The following ALG12 variants were observed in gnomAD, a reference collection of about 807,000 sequenced individuals.
The protein encoded by ALG12 is dol-P-Man:Man(7)GlcNAc(2)-PP-Dol alpha-1,6-mannosyltransferase.
ALG12 carries 36 observed loss-of-function variants against 46.0 expected under a neutral mutation model. The ratio of observed to expected loss-of-function variants is 0.78; its 90% CI spans 0.60 to 1.03. ALG12 has a LOEUF of 1.03. Ranked by LOEUF, ALG12 falls within the 50% of genes least tolerant of loss-of-function variation. ALG12 has a pLI of 0.00. For missense variants in ALG12, 599 were observed against 633.5 expected, an observed-to-expected ratio of 0.95 and a Z score of 0.58; for synonymous variants, 326 against 291.6, an observed-to-expected ratio of 1.12 and a Z score of -1.20.
chr22:49,880,322 C>T, the ALG12 span, among the ~76,000 whole-genome samples: 19 of 152,204 alleles, frequency 1.2e-4, no homozygotes, highest in African/African-American at 1.7e-4. Flanking sequence ...AGGGTGGTTT[C>T]CTCAAATGCA....
rs763006922 is a variant in ALG12 at position 49,904,216 on chromosome 22, C to A, written c.1201G>T (p.Gly401Cys). 1 of 1,613,984 alleles carries A rather than the reference C, an allele frequency of 6.2e-7. No homozygotes were observed. Among genetic ancestry groups the A allele is most frequent in the South Asian group, 1.1e-5 (1 of 91,086 alleles). The change falls in exon 9 of 10, where the codon GGT (glycine) becomes TGT (cysteine). Residue 401 changes from glycine (G) to cysteine (C), a missense_variant. Coordinates refer to ENST00000330817, the MANE Select transcript of ALG12 (RefSeq NM_024105.4). ...LHIDVAAAQT[G>C]VSRFLQVNSA... ...TTGACTTGGAGAAACCGAGACACAC[C>A]TGTCTGGGCGGCTGCCACGTCAATG... is the stretch of plus-strand genomic sequence containing the variant.
At position 49,902,429 on chromosome 22, in the gene ALG12, GGTGT is replaced by G. The variant is rs1272030415; in HGVS notation, c.*1405_*1408del. The G allele has an allele frequency of 2.1e-5, 3 of 141,512 alleles. No individual in the cohort carries two copies. Among genetic ancestry groups the G allele is most frequent in the Non-Finnish European group, 4.5e-5 (3 of 66,358 alleles). 8.8% of individuals were successfully genotyped at this position (141,512 alleles called of 1,614,324 possible). On this transcript the variant is annotated 3_prime_UTR_variant, in exon 10 of 10. Coordinates refer to ENST00000330817, the MANE Select transcript of ALG12 (RefSeq NM_024105.4). ...GTGCACATGTGCACTGTGTATGCAT[GGTGT>G]GTGCACGTGTGCACTGTGTATGCAT... is the stretch of plus-strand genomic sequence containing the variant.
At position 49,913,655 on chromosome 22, in the gene ALG12, G is replaced by C; in HGVS notation, c.111C>G (p.Phe37Leu). Residue 37 changes from phenylalanine (F) to leucine (L), a missense_variant, in exon 2 of 10, where the codon TTC becomes TTG. Phe to Leu is a conservative substitution (Grantham distance 22). Coordinates refer to ENST00000330817, the MANE Select transcript of ALG12 (RefSeq NM_024105.4). ...ICPYTKVEES[F>L]NLQATHDLLY... ...GCAGGTCATGTGTGGCCTGCAGGTTGAAGCTCTCCTCCACTTTGGTGTAGG... is the reference window on the plus strand; with the variant it reads ...GCAGGTCATGTGTGGCCTGCAGGTTCAAGCTCTCCTCCACTTTGGTGTAGG... 1 of 1,614,138 alleles carries C rather than the reference G, an allele frequency of 6.2e-7. No individual in the cohort carries two copies. The highest frequency in any genetic ancestry group is 1.1e-5 in the South Asian group (1 of 91,082).
chr22:49,893,246 AT>A, the ALG12 span, among the ~76,000 whole-genome samples: 1 of 152,222 alleles, frequency 6.6e-6, no homozygotes, highest in Non-Finnish European at 1.5e-5. Context: ...GTGGAGCGCC[AT>A]TTGGATGAGA....
chr22:49,870,507 A>G, the ALG12 span, among the ~76,000 whole-genome samples: 1 of 152,012 alleles, frequency 6.6e-6, no homozygotes, highest in Non-Finnish European at 1.5e-5. Context: ...TCTTTTTTTA[A>G]TAAAAGCCAT....
the ALG12 span, chr22:49,883,583 T>G: frequency 1.4e-6 from 2 of 1,433,836 alleles, no homozygotes; most frequent in Non-Finnish European, 1.8e-6. Context: ...GTGAAGATAA[T>G]CTACATTCGG....
At chr22:49,896,879 G>A (rs2060485359), downstream of ALG12, among the ~76,000 whole-genome samples, 1 of 151,406 alleles carries the variant, frequency 6.6e-6, no homozygotes, top group African/African-American at 2.4e-5. Flanking sequence ...GACCTCAGCT[G>A]ATCCACCTAC....
chr22:49,917,186 G>T (rs548313072), intron 1 of ALG12, among the ~76,000 whole-genome samples: 2 of 152,370 alleles, frequency 1.3e-5, no homozygotes, highest in South Asian at 2.1e-4. Context: ...AGCCCACTCT[G>T]CTGGGCAGCT....
chr22:49,917,397 A>C (rs1250302500), intron 1 of ALG12, among the ~76,000 whole-genome samples: 1 of 152,226 alleles, frequency 6.6e-6, no homozygotes, highest in Non-Finnish European at 1.5e-5. Flanking sequence ...CAGGCTAAGC[A>C]TGGTGGCTCA....
At chr22:49,884,514 C>T in the ALG12 span, 1 of 1,614,012 alleles carries the variant, frequency 6.2e-7, no homozygotes, top group African/African-American at 1.3e-5. Flanking sequence ...CCTCTGGGTC[C>T]AGGAGAAGGT....
At chr22:49,878,185 A>G in the ALG12 span, among the ~76,000 whole-genome samples, 9 of 151,698 alleles carry the variant, frequency 5.9e-5, no homozygotes, top group African/African-American at 1.7e-4. Context: ...GGCACCTGTA[A>G]TTCCAGCTAC....
chr22:49,884,577 C>T, the ALG12 span: 29 of 1,612,414 alleles, frequency 1.8e-5, no homozygotes, highest in Admixed American at 4.8e-4. Context: ...CCAAAGCTGT[C>T]TGCATTCACT....
rs780477782 is a variant in ALG12 at position 49,906,417 on chromosome 22, G to T, written c.992+1304C>A. Among the ~76,000 whole-genome samples, 8 of 152,072 alleles carry T rather than the reference G, an allele frequency of 5.3e-5. No individual in the cohort carries two copies. The highest frequency in any genetic ancestry group is 1.9e-4 in the African/African-American group (8 of 41,424). On this transcript the variant is annotated intron_variant, in intron 7 of 9. Transcript: ENST00000330817. This position sits in a 1 kb window ranked among gnomAD's most constrained non-coding sequence, Gnocchi z 4.4. ...CTCCCAGGAGCCCCCACTGAGGCGCGGCTACAGCAGCCAGAGGAGCCCCCA... is the reference window on the plus strand; with the variant it reads ...CTCCCAGGAGCCCCCACTGAGGCGCTGCTACAGCAGCCAGAGGAGCCCCCA...
At chr22:49,909,872 C>T in intron 5 of ALG12, 22 bp downstream of exon 5, 1 of 1,614,014 alleles carries the variant, frequency 6.2e-7, no homozygotes, top group Non-Finnish European at 8.5e-7. Flanking sequence ...CAGTTAGAAG[C>T]ATCCCACAGT....
intron 6 of ALG12, among the ~76,000 whole-genome samples, chr22:49,909,012 G>T (rs2060560078): frequency 6.6e-6 from 1 of 151,900 alleles, no homozygotes; most frequent in Non-Finnish European, 1.5e-5. Context: ...GGTAATCTGG[G>T]GCAGGGCTGT....
the ALG12 span, among the ~76,000 whole-genome samples, chr22:49,883,120 AT>A: frequency 2.3e-4 from 35 of 151,652 alleles, 1 homozygote; most frequent in Admixed American, 1.2e-3. Context: ...GGCCACTTGC[AT>A]TTTTTTTCAT....
At chr22:49,883,582 A>T in the ALG12 span, 1 of 1,435,344 alleles carries the variant, frequency 7.0e-7, no homozygotes, top group South Asian at 1.7e-5. Flanking sequence ...AGTGAAGATA[A>T]TCTACATTCG....
At position 49,903,966 on chromosome 22, in the gene ALG12, T is replaced by C. The variant is rs996114708; in HGVS notation, c.1339A>G (p.Thr447Ala). The change falls in exon 10 of 10, where the codon ACA becomes GCA. Residue 447 changes from threonine to alanine, a missense_variant. Coordinates refer to ENST00000330817, the MANE Select transcript of ALG12 (RefSeq NM_024105.4). ...APGLLALYRD[T>A]HRVLASVVGT... The stretch of plus-strand genomic sequence containing the variant: ...ACGACGCTGGCCAGGACCCGGTGTG[T>C]GTCCCTGTAGAGGGCCAGGAGCCCA... 5.0e-6 allele frequency: 8 copies of C among 1,614,098 alleles called. No individual in the cohort carries two copies. Among genetic ancestry groups the C allele is most frequent in the Non-Finnish European group, 6.8e-6 (8 of 1,180,026 alleles).
chr22:49,891,240 C>T, the ALG12 span, among the ~76,000 whole-genome samples: 1 of 152,156 alleles, frequency 6.6e-6, no homozygotes, highest in Non-Finnish European at 1.5e-5. Flanking sequence ...TGTTATAATT[C>T]AAGGAAATGC....
Sources: gnomAD v4.1 joint callset for allele counts (sites outside exome capture counted in the v4.1 genomes callset) on GRCh38, gnomAD v4.1.1 for gene constraint, Gnocchi (gnomAD v3.1) non-coding constraint, MANE v1.5 for transcripts, NCBI Gene and HGNC (gene_info 2026-07-23, HGNC 2026-07-21) for gene names.